Variants in TP63 observed in about 807,000 individuals in gnomAD.
The protein encoded by TP63 is tumor protein p63, also known as tumor protein 63.
In TP63, 17 loss-of-function variants were observed where a neutral mutation model predicts 82.8. The ratio of observed to expected loss-of-function variants is 0.21; its 90% CI spans 0.14 to 0.31. TP63 has a LOEUF of 0.31. TP63 is among the 10% of genes least tolerant of loss of function. TP63 has a pLI of 1.00. For missense variants in TP63, 648 were observed against 895.3 expected, an observed-to-expected ratio of 0.72 and a Z score of 3.52; for synonymous variants, 330 against 321.7, an observed-to-expected ratio of 1.03 and a Z score of -0.28.
chr3:189,614,464 A>G, the TP63 span, among the ~76,000 whole-genome samples: 1 of 152,188 alleles, frequency 6.6e-6, no homozygotes, highest in Non-Finnish European at 1.5e-5. Context: ...TATCAGCAGC[A>G]TGAAAATGGA....
intron 4 of TP63, among the ~76,000 whole-genome samples, chr3:189,818,019 T>C (rs1245967095): frequency 6.6e-6 from 1 of 151,830 alleles, no homozygotes; most frequent in African/African-American, 2.4e-5. Context: ...ATGGAATTAA[T>C]TTACAGTAAT....
intron 3 of TP63, among the ~76,000 whole-genome samples, chr3:189,803,549 A>C (rs1726543527): frequency 1.3e-5 from 2 of 152,196 alleles, no homozygotes; most frequent in African/African-American, 4.8e-5. Context: ...AAACAGTTTG[A>C]GATTCAGCTC....
At chr3:189,683,827 GAAT>G (rs1716184361) in intron 1 of TP63, among the ~76,000 whole-genome samples, 1 of 152,160 alleles carries the variant, frequency 6.6e-6, no homozygotes, top group Non-Finnish European at 1.5e-5. Context: ...GCATGACCTG[GAAT>G]AACAACAACT....
intron 13 of TP63, 98 bp downstream of exon 13, chr3:189,890,980 G>GT: frequency 1.5e-5 from 18 of 1,205,026 alleles, no homozygotes; most frequent in Non-Finnish European, 2.0e-5. Flanking sequence ...TTAAAAATTT[G>GT]TTTTTGTCAT....
At chr3:189,622,221 C>A in the TP63 span, among the ~76,000 whole-genome samples, 1 of 152,284 alleles carries the variant, frequency 6.6e-6, no homozygotes, top group South Asian at 2.1e-4. Context: ...ATTCGCAGGG[C>A]TTATGTTATC....
At chr3:189,872,019 T>C (rs769813050) in intron 9 of TP63, among the ~76,000 whole-genome samples, 12 of 152,200 alleles carry the variant, frequency 7.9e-5, no homozygotes, top group Non-Finnish European at 1.8e-4. Flanking sequence ...CTGCTCATAA[T>C]TGTAAAAGCC....
intron 1 of TP63, among the ~76,000 whole-genome samples, chr3:189,711,109 G>A (rs550169077): frequency 1.6e-4 from 24 of 152,304 alleles, no homozygotes; most frequent in African/African-American, 5.5e-4. Flanking sequence ...GGGGTCATCT[G>A]TTGTCAGAGA....
intron 1 of TP63, among the ~76,000 whole-genome samples, chr3:189,651,643 C>T (rs1177922489): frequency 6.9e-6 from 1 of 145,950 alleles, no homozygotes; most frequent in Non-Finnish European, 1.5e-5. Context: ...AACGAGGAGC[C>T]GAATGTTAAT....
chr3:189,727,708 A>G (rs953659939), intron 1 of TP63, among the ~76,000 whole-genome samples: 1 of 152,188 alleles, frequency 6.6e-6, no homozygotes, highest in Non-Finnish European at 1.5e-5. Context: ...CGTGGATGTT[A>G]CATGCATTTT....
chr3:189,800,811 C>T (rs1032506089), intron 3 of TP63, among the ~76,000 whole-genome samples: 20 of 152,144 alleles, frequency 1.3e-4, no homozygotes, highest in Non-Finnish European at 1.5e-4. Flanking sequence ...CTTAGAACTC[C>T]GTAAGAGAAT....
the TP63 span, among the ~76,000 whole-genome samples, chr3:189,617,390 T>C: frequency 2.0e-4 from 31 of 152,316 alleles, no homozygotes; most frequent in Non-Finnish European, 3.7e-4. Context: ...GATCCTCTTT[T>C]ATCATGAGAA....
At chr3:189,623,067 G>A in the TP63 span, among the ~76,000 whole-genome samples, 1 of 152,116 alleles carries the variant, frequency 6.6e-6, no homozygotes, top group Admixed American at 6.5e-5. Flanking sequence ...TGTGAGCTGT[G>A]TTCCCTAGGT....
At chr3:189,763,029 GGGAGGCCGAGGCA>G (rs758731116) in intron 3 of TP63, among the ~76,000 whole-genome samples, 1 of 152,168 alleles carries the variant, frequency 6.6e-6, no homozygotes, top group Non-Finnish European at 1.5e-5. Context: ...CCAGCACTTT[GGGAGGCCGAGGCA>G]GGAGGATAGC....
intron 3 of TP63, among the ~76,000 whole-genome samples, chr3:189,745,135 C>A (rs1553826712): frequency 6.6e-6 from 1 of 151,934 alleles, no homozygotes; most frequent in African/African-American, 2.4e-5. Context: ...TCTATGAAAG[C>A]AAATTCAAAA....
intron 1 of TP63, among the ~76,000 whole-genome samples, chr3:189,632,835 A>G (rs1729546490): frequency 6.6e-6 from 1 of 152,124 alleles, no homozygotes; most frequent in African/African-American, 2.4e-5. Flanking sequence ...TTAAAAAGAA[A>G]AACACCAAAG....
At chr3:189,726,232 G>A (rs75959262) in intron 1 of TP63, among the ~76,000 whole-genome samples, 4,780 of 152,076 alleles carry the variant, frequency 0.031, 113 homozygotes, top group African/African-American at 0.05. Flanking sequence ...ACTGAGTAGC[G>A]GCAGTCCAAA....
chr3:189,636,288 A>T (rs1469740842), intron 1 of TP63, among the ~76,000 whole-genome samples: 2 of 152,160 alleles, frequency 1.3e-5, no homozygotes, highest in African/African-American at 2.4e-5. Context: ...TTTGCAAAAG[A>T]TCTCAATTGT....
intron 4 of TP63, among the ~76,000 whole-genome samples, chr3:189,824,625 G>T (rs905992197): frequency 6.6e-6 from 1 of 152,030 alleles, no homozygotes; most frequent in Non-Finnish European, 1.5e-5. Context: ...GCTGTCACAC[G>T]GCACTGCCCC....
At chr3:189,814,003 A>C (rs892559343) in intron 4 of TP63, among the ~76,000 whole-genome samples, 7 of 152,176 alleles carry the variant, frequency 4.6e-5, no homozygotes, top group Non-Finnish European at 2.9e-5. Context: ...TGGAGAGATT[A>C]GGGAGGTGGC....
Sources: allele counts gnomAD v4.1 joint callset (sites outside exome capture counted in the v4.1 genomes callset), GRCh38; gene constraint gnomAD v4.1.1; transcripts MANE v1.5; gene names NCBI Gene and HGNC (gene_info 2026-07-23, HGNC 2026-07-21).